GCC2: variants seen among roughly 807,000 people sequenced by gnomAD.
GCC2 encodes the protein GRIP and coiled-coil domain-containing protein 2.
Under a neutral mutation model 210.6 loss-of-function variants are expected in GCC2, and 120 were observed. The ratio of observed to expected loss-of-function variants is 0.57; its 90% CI spans 0.49 to 0.66. GCC2 has a LOEUF of 0.66. GCC2 is among the 30% of genes least tolerant of loss of function. The pLI is 0.00. For synonymous variants in GCC2, 703 were observed against 652.7 expected (o/e 1.08, Z -1.17); for missense variants, 1,868 against 1,871.9 (o/e 1.00, Z 0.04).
At chr2:108,476,054 C>CTTTTTTTT (rs56236751) in intron 9 of GCC2, among the ~76,000 whole-genome samples, 1 of 96,328 alleles carries the variant, frequency 1.0e-5, no homozygotes, top group Admixed American at 1.2e-4. Flanking sequence ...TAGTGGCTTG[C>CTTTTTTTT]TTTTTTTTTT....
intron 4 of GCC2, among the ~76,000 whole-genome samples, chr2:108,459,241 C>A (rs1388865794): frequency 6.6e-6 from 1 of 152,104 alleles, no homozygotes; most frequent in Non-Finnish European, 1.5e-5. Flanking sequence ...CTTATTGACC[C>A]ATGGTCATTT....
rs781076781 is a variant in GCC2, at chr2:108,471,804, G to A, written c.2475G>A (p.Gln825=). Residue 825 remains glutamine, a synonymous_variant, in exon 6 of 23, where the codon CAG becomes CAA. Transcript: ENST00000309863. Reference sequence around the variant, plus strand: ...GCCTTCAAGAAGAGAGTGTAGTTCAGTGTGAAGAACTTAAGTCTTTATTGA... The same window carrying A: ...GCCTTCAAGAAGAGAGTGTAGTTCAATGTGAAGAACTTAAGTCTTTATTGA... The part of the protein sequence containing the change: ...IKCLQEESVV[Q]CEELKSLLRD... The A allele has an allele frequency of 4.1e-5, 66 of 1,613,106 alleles. No homozygotes were observed. The South Asian group carries it at 7.3e-4, about 18-fold the overall frequency.
chr2:108,495,782 G>A (rs4012139), intron 20 of GCC2: 6 of 205,944 alleles, frequency 2.9e-5, no homozygotes, highest in African/African-American at 4.7e-5. Flanking sequence ...AACTAGGAGT[G>A]TGATGTTCAA....
intron 2 of GCC2, among the ~76,000 whole-genome samples, chr2:108,450,222 C>G (rs180854645): frequency 9.2e-5 from 14 of 152,260 alleles, no homozygotes; most frequent in Non-Finnish European, 1.3e-4. Context: ...CTGTTGTTAC[C>G]CTCCTTTTAC....
At position 108,455,662 on chromosome 2, in the gene GCC2, A is replaced by G. The variant is rs77325671; in HGVS notation, c.216+3196A>G. ...TGTGTACATTTCAAGTCTTCTGGCT[A>G]TTTTGAAAAATATTTATCTTTCCCT... On this transcript the variant is annotated intron_variant, in intron 4 of 22. Coordinates refer to ENST00000309863, the MANE Select transcript of GCC2 (RefSeq NM_181453.4). Among the ~76,000 whole-genome samples, 65 of 152,264 alleles carry G rather than the reference A, an allele frequency of 4.3e-4. No homozygotes were observed. The East Asian group carries it at 0.012, about 28-fold the overall frequency.
chr2:108,454,048 T>A (rs1325195813), intron 4 of GCC2, among the ~76,000 whole-genome samples: 3 of 152,184 alleles, frequency 2.0e-5, no homozygotes, highest in African/African-American at 7.2e-5. Context: ...TGGAGTGCAG[T>A]GGCACAATCT....
At position 108,508,742 on chromosome 2, in the gene GCC2, AGT is replaced by A. The variant is rs1558767570; in HGVS notation, c.*1115_*1116del. Reference sequence around the variant, plus strand: ...GTTCCTCCGAATAACCTTAGGTGGTAGTGTTACTTGCCTTTGACACCTCTGCA... The same window carrying A: ...GTTCCTCCGAATAACCTTAGGTGGTAGTTACTTGCCTTTGACACCTCTGCA... On this transcript the variant is annotated 3_prime_UTR_variant, in exon 23 of 23. Transcript: ENST00000309863. The A allele has an allele frequency of 6.6e-6, 1 of 152,632 alleles. No individual in the cohort carries two copies. The highest frequency in any genetic ancestry group is 1.9e-4 in the East Asian group (1 of 5,202). 9.5% of individuals were successfully genotyped at this position (152,632 alleles called of 1,614,324 possible).
chr2:108,503,982 T>C (rs1015267156), intron 22 of GCC2, among the ~76,000 whole-genome samples: 230 of 152,166 alleles, frequency 1.5e-3, no homozygotes, highest in Non-Finnish European at 2.6e-3. Context: ...GTGGCATGTG[T>C]CCATAGTCCT....
At chr2:108,497,215 C>G in intron 21 of GCC2, 106 bp downstream of exon 21, 1 of 1,576,374 alleles carries the variant, frequency 6.3e-7, no homozygotes. Flanking sequence ...CTCCCAGGTT[C>G]ACGCCATTCT....
chr2:108,475,604 CAAAG>C lies in GCC2; in HGVS notation c.2937_2940del (p.Lys979AsnfsTer2), dbSNP rs1379177165. 5 of 1,538,964 alleles carry C rather than the reference CAAAG, an allele frequency of 3.2e-6. No homozygotes were observed. Among genetic ancestry groups the C allele is most frequent in the African/African-American group, 1.4e-5 (1 of 71,112 alleles). ...AAGATAAAATTAGTTGCCGTAAAGG[CAAAG>C]AAAGAACTAGATTCCAGCAGAAAAG... On this transcript the variant is annotated frameshift_variant, in exon 8 of 23. Transcript: ENST00000309863. LOFTEE classifies it high-confidence loss of function.
intron 1 of GCC2, 71 bp downstream of exon 1, chr2:108,449,351 C>T (rs1195128268): frequency 5.3e-6 from 8 of 1,521,560 alleles, no homozygotes; most frequent in East Asian, 2.5e-5. Context: ...GGAGTGGGCC[C>T]GATGGGAGGG....
Position 108,479,980 on chromosome 2 carries a change from C to CAAAAA in GCC2, c.3061-1692_3061-1688dup, listed in dbSNP as rs200934785. On this transcript the variant is annotated intron_variant, in intron 9 of 22. Coordinates refer to ENST00000309863, the MANE Select transcript of GCC2 (RefSeq NM_181453.4). ...CTGGCGACAGAGCGAGACTCCATCTCAAAAAAAAAAAAAAAAAAAAAAAAA... is the reference window on the plus strand; with the variant it reads ...CTGGCGACAGAGCGAGACTCCATCTCAAAAAAAAAAAAAAAAAAAAAAAAAAAAAA... Among the ~76,000 whole-genome samples the CAAAAA allele has an allele frequency of 9.3e-4, 107 of 114,480 alleles. 4 individuals are homozygous for CAAAAA. The highest frequency in any genetic ancestry group is 3.6e-3 in the African/African-American group (98 of 27,238). The allele number at this position is 114,480 out of a possible 152,430, so 75.1% of individuals were successfully genotyped here.
chr2:108,489,734 C>G, intron 17 of GCC2, 104 bp from the exon 18 acceptor site: 1 of 633,260 alleles, frequency 1.6e-6, no homozygotes, highest in South Asian at 2.4e-5. Context: ...TAGAATCATC[C>G]AAGAGTATGG....
intron 19 of GCC2, chr2:108,493,624 A>G (rs1682510823): frequency 2.0e-6 from 2 of 985,428 alleles, no homozygotes; most frequent in Non-Finnish European, 2.4e-6. Flanking sequence ...GCTTCCAGGA[A>G]GACATGGAAA....
rs1681469741 is a variant in GCC2, at chr2:108,475,647, TTAAAA to T, written c.2961+13_2961+17del. On this transcript the variant is annotated intron_variant, in intron 8 of 22. Transcript: ENST00000309863. ...CCAGCAGAAAAGAGGTGAGCTGACT[TTAAAA>T]ATGTAAGATTCCGGAATCTCACATT... is the stretch of plus-strand genomic sequence containing the variant. 1 of 1,508,830 alleles carries T rather than the reference TTAAAA, an allele frequency of 6.6e-7. No homozygotes were observed. The highest frequency in any genetic ancestry group is 2.1e-5 in the Admixed American group (1 of 46,904). 93.5% of individuals were successfully genotyped at this position (1,508,830 alleles called of 1,614,324 possible). A position where few individuals can be genotyped will look rare whatever the true frequency, so the allele number is the denominator to read the frequency against.
chr2:108,449,556 C>T (rs1361737939), intron 1 of GCC2, 77 bp from the exon 2 acceptor site: 1 of 1,433,802 alleles, frequency 7.0e-7, no homozygotes, highest in East Asian at 2.3e-5. Flanking sequence ...AGGTTTTTCC[C>T]TGTAAGGGTT....
rs1197906673 is a variant in GCC2, at chr2:108,508,856, T to C, written c.*1226T>C. On this transcript the variant is annotated 3_prime_UTR_variant, in exon 23 of 23. Coordinates refer to ENST00000309863, the MANE Select transcript of GCC2 (RefSeq NM_181453.4). Reference sequence around the variant, plus strand: ...ATATTTATGTGTTAATCACACAGTATGCTCTCTGAAGTTCTCTTAAGCCTT... The same window carrying C: ...ATATTTATGTGTTAATCACACAGTACGCTCTCTGAAGTTCTCTTAAGCCTT... 5 of 152,696 alleles carry C rather than the reference T, an allele frequency of 3.3e-5. No individual in the cohort carries two copies. Among genetic ancestry groups the C allele is most frequent in the Non-Finnish European group, 7.3e-5 (5 of 68,056 alleles). The allele number at this position is 152,696 out of a possible 1,614,324, so 9.5% of individuals were successfully genotyped here.
chr2:108,507,438 TA>T (rs1321672070), intron 22 of GCC2, 121 bp from the exon 23 acceptor site: 1 of 495,742 alleles, frequency 2.0e-6, no homozygotes, highest in Non-Finnish European at 3.2e-6. Flanking sequence ...ATGTAATCAG[TA>T]AAAAACACAT....
At chr2:108,485,939 AT>A in intron 15 of GCC2, 31 bp downstream of exon 15, 3 of 1,108,362 alleles carry the variant, frequency 2.7e-6, no homozygotes, top group African/African-American at 1.6e-5. Context: ...GATTAAAAAA[AT>A]GTTTTTTCAT....
Sources: allele counts gnomAD v4.1 joint callset (sites outside exome capture counted in the v4.1 genomes callset), GRCh38; gene constraint gnomAD v4.1.1; transcripts MANE v1.5; gene names NCBI Gene and HGNC (gene_info 2026-07-23, HGNC 2026-07-21).